CASKIN2: variants seen among roughly 807,000 people sequenced by gnomAD.
CASKIN2 encodes caskin-2.
CASKIN2 carries 41 observed loss-of-function variants against 107.1 expected under a neutral mutation model. The observed-to-expected ratio is 0.38, with a 90% CI of 0.30 to 0.50. The LOEUF is 0.50. Among genes scored for constraint, CASKIN2 ranks in the 20% least tolerant of loss-of-function variants. The probability of loss-of-function intolerance (pLI) is 0.92; values close to 1 mark genes in which losing one functional copy is unlikely to be tolerated. For missense variants in CASKIN2, 1,546 were observed against 1,657.4 expected (o/e 0.93, Z 1.17); for synonymous variants, 724 against 705.6 (o/e 1.03, Z -0.41).
In CASKIN2 at chr17:75,502,192, T is replaced by C. The variant is rs770069184; in HGVS notation, c.2882A>G (p.Lys961Arg). ...GGGGCCAGCGGGCTTCGGGCGCTGT[T>C]TGATGGTCAGGTTCCCTTCCTCTGC... ...PFAEEGNLTI[K>R]QRPKPAGPPP... Residue 961 changes from lysine to arginine, a missense_variant, in exon 18 of 20, where the codon AAA becomes AGA. Physicochemically the swap from Lys to Arg is conservative, Grantham distance 26 (BLOSUM62 2). Coordinates refer to ENST00000321617, the MANE Select transcript of CASKIN2 (RefSeq NM_020753.5). The surrounding 1 kb of genome is among the most constrained non-coding windows in gnomAD (Gnocchi z 4.3). The C allele has an allele frequency of 6.3e-7, 1 of 1,597,798 alleles. No individual in the cohort carries two copies. Among genetic ancestry groups the C allele is most frequent in the Admixed American group, 1.7e-5 (1 of 59,774 alleles).
At chr17:75,513,108 G>A (rs148442740) in intron 2 of CASKIN2, among the ~76,000 whole-genome samples, 2 of 152,216 alleles carry the variant, frequency 1.3e-5, no homozygotes, top group Non-Finnish European at 2.9e-5. Context: ...ACAGGAATTT[G>A]GGTCTGTTTT....
In CASKIN2 at chr17:75,506,363, G is replaced by A; in HGVS notation, c.668C>T (p.Thr223Met). The change falls in exon 8 of 20, where the codon ACG becomes ATG. Residue 223 changes from threonine (T) to methionine (M), a missense_variant. Coordinates refer to ENST00000321617, the MANE Select transcript of CASKIN2 (RefSeq NM_020753.5). This position sits in a 1 kb window ranked among gnomAD's most constrained non-coding sequence, Gnocchi z 4.8. ...ATACAGTGCGGCCTCGTGGAGCGCCGTACCCGTCTTGGTCTGGCGGTTGAT... is the reference window on the plus strand; with the variant it reads ...ATACAGTGCGGCCTCGTGGAGCGCCATACCCGTCTTGGTCTGGCGGTTGAT... ...IEINRQTKTGTALHEAALYGK... is the reference protein window; with the variant it reads ...IEINRQTKTGMALHEAALYGK... 2 of 1,611,884 alleles carry A rather than the reference G, an allele frequency of 1.2e-6. No individual in the cohort carries two copies. The highest frequency in any genetic ancestry group is 1.7e-6 in the Non-Finnish European group (2 of 1,179,974).
Position 75,513,870 on chromosome 17 carries a change from G to A in CASKIN2, c.-66C>T, listed in dbSNP as rs2053334968. ...CAAAGGCAGGCAACGGGTCCAAGCT[G>A]GGGCGTCAGGGCGCCATGCCACAGC... On this transcript the variant is annotated 5_prime_UTR_variant, in exon 2 of 20. Transcript: ENST00000321617. The A allele has an allele frequency of 6.9e-7, 1 of 1,458,086 alleles. No individual in the cohort carries two copies. The highest frequency in any genetic ancestry group is 1.7e-4 in the Middle Eastern group (1 of 5,784). The allele number at this position is 1,458,086 out of a possible 1,614,324, so 90.3% of individuals were successfully genotyped here.
intron 4 of CASKIN2, 30 bp from the exon 5 acceptor site, chr17:75,507,159 G>T: frequency 6.3e-7 from 1 of 1,592,000 alleles, no homozygotes. Context: ...TCTGAGGGAG[G>T]TCCTGGGACG....
intron 16 of CASKIN2, 33 bp from the exon 17 acceptor site, chr17:75,503,560 G>A (rs1008241971): frequency 6.2e-7 from 1 of 1,602,980 alleles, no homozygotes; most frequent in Non-Finnish European, 8.5e-7. Flanking sequence ...ACAACTCCCA[G>A]CCAGCCTCCG....
intron 17 of CASKIN2, 44 bp downstream of exon 17, chr17:75,503,345 C>T (rs767967127): frequency 2.2e-5 from 35 of 1,592,546 alleles, no homozygotes; most frequent in South Asian, 2.0e-4. Flanking sequence ...TTGGAGACCC[C>T]GGAGGCAGGT....
intron 1 of CASKIN2, among the ~76,000 whole-genome samples, chr17:75,515,007 G>T (rs1036596680): frequency 1.3e-5 from 2 of 152,174 alleles, no homozygotes; most frequent in Non-Finnish European, 2.9e-5. Context: ...TGAGATCCGC[G>T]CAGGCCTGGG....
At position 75,506,424 on chromosome 17, in the gene CASKIN2, C is replaced by CG. The variant is rs1458862365; in HGVS notation, c.618-12dup. ...GCTCTCAGGAGCTGCCTGCAGTGGACGGGGGGAGTCACGGGGGAGGTGGCG... is the reference window on the plus strand; with the variant it reads ...GCTCTCAGGAGCTGCCTGCAGTGGACGGGGGGGAGTCACGGGGGAGGTGGCG... On this transcript the variant is annotated splice_polypyrimidine_tract_variant and intron_variant, in intron 7 of 19. Transcript: ENST00000321617. The surrounding 1 kb of genome is among the most constrained non-coding windows in gnomAD (Gnocchi z 4.8). 3 of 1,545,386 alleles carry CG rather than the reference C, an allele frequency of 1.9e-6. No homozygotes were observed. Among genetic ancestry groups the CG allele is most frequent in the East Asian group, 2.3e-5 (1 of 43,952 alleles).
At position 75,513,745 on chromosome 17, in the gene CASKIN2, C is replaced by T. The variant is rs1214945396; in HGVS notation, c.60G>A (p.Gln20=). ...TGGCCTTGACCTTCGCCACCAGTTT[C>T]TGCACACCGGTCACATCTCCATTCT... The part of the protein sequence containing the change: ...AVKNGDVTGV[Q]KLVAKVKATK... Residue 20 remains glutamine, a synonymous_variant, in exon 2 of 20, where the codon CAG becomes CAA. Transcript: ENST00000321617. 4 of 1,612,808 alleles carry T rather than the reference C, an allele frequency of 2.5e-6. No homozygotes were observed. Among genetic ancestry groups the T allele is most frequent in the Non-Finnish European group, 3.4e-6 (4 of 1,179,422 alleles).
chr17:75,505,232 G>A lies in CASKIN2; in HGVS notation c.931-159C>T. ...CCACACTGGCCCAAGTTCCGCCCCT[G>A]CTGCCAGCAGCCAGCTCAATCTCCC... is the stretch of plus-strand genomic sequence containing the variant. On this transcript the variant is annotated intron_variant, in intron 10 of 19. Transcript: ENST00000321617. This position sits in a 1 kb window ranked among gnomAD's most constrained non-coding sequence, Gnocchi z 5.1. 1.2e-6 allele frequency: 1 copy of A among 811,704 alleles called. No individual in the cohort carries two copies. Among genetic ancestry groups the A allele is most frequent in the Non-Finnish European group, 1.9e-6 (1 of 513,452 alleles). The allele number at this position is 811,704 out of a possible 1,614,324, so 50.3% of individuals were successfully genotyped here.
chr17:75,506,347 G>A lies in CASKIN2; in HGVS notation c.684C>T (p.Ala228=), dbSNP rs73362217. ...CCACCTCGGTCTTGCCATACAGTGC[G>A]GCCTCGTGGAGCGCCGTACCCGTCT... ...QTKTGTALHE[A]ALYGKTEVVR... Residue 228 remains alanine, a synonymous_variant, in exon 8 of 20, where the codon GCC becomes GCT. Transcript: ENST00000321617. The surrounding 1 kb of genome is among the most constrained non-coding windows in gnomAD (Gnocchi z 4.8). 19 of 1,612,096 alleles carry A rather than the reference G, an allele frequency of 1.2e-5. No individual in the cohort carries two copies. The highest frequency in any genetic ancestry group is 1.0e-4 in the Admixed American group (6 of 60,012).
At chr17:75,507,722 G>GC (rs2053280300) in intron 3 of CASKIN2, 41 bp from the exon 4 acceptor site, 1 of 1,457,488 alleles carries the variant, frequency 6.9e-7, no homozygotes. Context: ...TTGGTGGGCA[G>GC]CCCCCACCCC....
At position 75,502,565 on chromosome 17, in the gene CASKIN2, C is replaced by T; in HGVS notation, c.2509G>A (p.Ala837Thr). Residue 837 changes from alanine (A) to threonine (T), a missense_variant, in exon 18 of 20, where the codon GCC becomes ACC. Coordinates refer to ENST00000321617, the MANE Select transcript of CASKIN2 (RefSeq NM_020753.5). This position sits in a 1 kb window ranked among gnomAD's most constrained non-coding sequence, Gnocchi z 4.3. The part of the protein sequence containing the change: ...ATLTRRPGRS[A>T]LVRTSPSVTP... ...ACACTAGGACTGGTCCGGACAAGGGCACTGCGTCCTGGCCGCCGGGTAAGG... is the reference window on the plus strand; with the variant it reads ...ACACTAGGACTGGTCCGGACAAGGGTACTGCGTCCTGGCCGCCGGGTAAGG... The T allele has an allele frequency of 1.3e-6, 2 of 1,576,608 alleles. No individual in the cohort carries two copies. Among genetic ancestry groups the T allele is most frequent in the Admixed American group, 1.8e-5 (1 of 56,502 alleles).
In CASKIN2 at chr17:75,506,010, G is replaced by T; in HGVS notation, c.727-81C>A. ...ATTCTCTCAGCTACCCGGGACATAG[G>T]TACTATTACCATTTTCCGATTTTAC... is the stretch of plus-strand genomic sequence containing the variant. On this transcript the variant is annotated intron_variant, in intron 8 of 19. Transcript: ENST00000321617. The surrounding 1 kb of genome is among the most constrained non-coding windows in gnomAD (Gnocchi z 4.8). 8.1e-7 allele frequency: 1 copy of T among 1,232,108 alleles called. No homozygotes were observed. The highest frequency in any genetic ancestry group is 1.2e-6 in the Non-Finnish European group (1 of 865,800). The allele number at this position is 1,232,108 out of a possible 1,614,324, so 76.3% of individuals were successfully genotyped here. A position where few individuals can be genotyped will look rare whatever the true frequency, so the allele number is the denominator to read the frequency against.
intron 2 of CASKIN2, 60 bp from the exon 3 acceptor site, chr17:75,508,345 TC>T (rs2053287313): frequency 1.3e-6 from 2 of 1,549,760 alleles, no homozygotes; most frequent in Non-Finnish European, 1.8e-6. Flanking sequence ...TCAGCATCCC[TC>T]CCCCCACCTG....
In CASKIN2 at chr17:75,512,937, A is replaced by G. The variant is rs570291064; in HGVS notation, c.94+774T>C. Among the ~76,000 whole-genome samples the G allele has an allele frequency of 3.3e-5, 5 of 152,116 alleles. No individual in the cohort carries two copies. The South Asian group carries it at 1.0e-3, about 32-fold the overall frequency. ...CAGCTATCTTATAGATATCCTCTTA[A>G]GACACGAACATAGAGGTGCTCTGGT... is the stretch of plus-strand genomic sequence containing the variant. On this transcript the variant is annotated intron_variant, in intron 2 of 19. Transcript: ENST00000321617.
chr17:75,509,520 T>C, intron 2 of CASKIN2: 1 of 963,810 alleles, frequency 1.0e-6, no homozygotes. Context: ...GCCACAAAGG[T>C]AAAGACAGAG....
chr17:75,509,981 CAG>C, intron 2 of CASKIN2: 1 of 957,650 alleles, frequency 1.0e-6, no homozygotes, highest in Non-Finnish European at 1.2e-6. Context: ...GGAAGAGGCT[CAG>C]AGTGACCGGG....
intron 2 of CASKIN2, chr17:75,509,950 C>T: frequency 1.0e-6 from 1 of 985,238 alleles, no homozygotes. Context: ...CTTTTCAGAA[C>T]AATAGCCGGA....
Sources: gnomAD v4.1 joint callset for allele counts (sites outside exome capture counted in the v4.1 genomes callset) on GRCh38, gnomAD v4.1.1 for gene constraint, Gnocchi (gnomAD v3.1) non-coding constraint, MANE v1.5 for transcripts, NCBI Gene and HGNC (gene_info 2026-07-23, HGNC 2026-07-21) for gene names.